Variants in DPP10 observed in about 807,000 individuals in gnomAD.
The protein encoded by DPP10 is dipeptidyl peptidase like 10.
Under a neutral mutation model 120.9 loss-of-function variants are expected in DPP10, and 33 were observed. That is an observed-to-expected ratio of 0.27 (90% CI 0.21 to 0.37). The LOEUF is 0.37. Among genes scored for constraint, DPP10 ranks in the 10% least tolerant of loss-of-function variants. The pLI is 1.00. For missense variants in DPP10, 816 were observed against 942.8 expected, an observed-to-expected ratio of 0.87 and a Z score of 1.76; for synonymous variants, 337 against 326.1, an observed-to-expected ratio of 1.03 and a Z score of -0.36.
intron 1 of DPP10, among the ~76,000 whole-genome samples, chr2:115,279,598 G>GCATTTTTC (rs987891710): frequency 2.1e-5 from 3 of 146,218 alleles, no homozygotes; most frequent in African/African-American, 7.6e-5. Context: ...ATTTTGGGTA[G>GCATTTTTC]CATTTTTCTT....
intron 1 of DPP10, among the ~76,000 whole-genome samples, chr2:115,218,915 T>C (rs2056981968): frequency 6.6e-6 from 1 of 152,112 alleles, no homozygotes; most frequent in Non-Finnish European, 1.5e-5. Context: ...TATCATATGT[T>C]CCCATTGGAA....
intron 1 of DPP10, among the ~76,000 whole-genome samples, chr2:114,603,856 C>T (rs866336719): frequency 2.0e-5 from 3 of 151,940 alleles, no homozygotes; most frequent in African/African-American, 4.8e-5. Flanking sequence ...CCCAGATCAC[C>T]CACCAGATTT....
intron 1 of DPP10, among the ~76,000 whole-genome samples, chr2:114,475,074 G>T (rs547461442): frequency 6.6e-6 from 1 of 152,326 alleles, no homozygotes; most frequent in South Asian, 2.1e-4. Context: ...TAAAGCTTGT[G>T]ACCTGAATTC....
chr2:115,033,893 C>CTTTTTTTTTTTTTTTTTTTTTTTT (rs965717193), intron 1 of DPP10, among the ~76,000 whole-genome samples: 7 of 89,860 alleles, frequency 7.8e-5, no homozygotes, highest in East Asian at 3.6e-4. Context: ...TTTTCTTTTT[C>CTTTTTTTTTTTTTTTTTTTTTTTT]TTTTTTTTTT....
intron 5 of DPP10, among the ~76,000 whole-genome samples, chr2:115,590,181 ATT>A (rs1221212779): frequency 2.7e-5 from 3 of 110,350 alleles, no homozygotes; most frequent in Non-Finnish European, 4.4e-5. Context: ...TATTATTATT[ATT>A]ATACTTTAAG....
At chr2:115,233,212 AGTGTGT>A (rs72071460) in intron 1 of DPP10, among the ~76,000 whole-genome samples, 13 of 148,928 alleles carry the variant, frequency 8.7e-5, no homozygotes, top group South Asian at 2.1e-4. Flanking sequence ...AGGTATATTG[AGTGTGT>A]GTGTGTGTGT....
At chr2:115,056,684 A>T (rs1705944702) in intron 1 of DPP10, among the ~76,000 whole-genome samples, 1 of 152,156 alleles carries the variant, frequency 6.6e-6, no homozygotes, top group African/African-American at 2.4e-5. Context: ...TCTAAGAGCA[A>T]TGCCAACGTA....
At chr2:114,759,526 T>C (rs1680092187) in intron 1 of DPP10, among the ~76,000 whole-genome samples, 1 of 152,018 alleles carries the variant, frequency 6.6e-6, no homozygotes, top group South Asian at 2.1e-4. Flanking sequence ...TGTCTCTTGG[T>C]GGCCACTGCT....
chr2:114,916,695 A>G (rs1326670740), intron 1 of DPP10, among the ~76,000 whole-genome samples: 2 of 152,256 alleles, frequency 1.3e-5, no homozygotes, highest in African/African-American at 4.8e-5. Context: ...AACGTGATTC[A>G]TCACATAAAG....
intron 1 of DPP10, among the ~76,000 whole-genome samples, chr2:114,988,655 T>A (rs1700574065): frequency 6.6e-6 from 1 of 152,252 alleles, no homozygotes; most frequent in Non-Finnish European, 1.5e-5. Context: ...TTATCATCAA[T>A]ATGATCTATG....
chr2:114,902,943 G>T (rs1056072015), intron 1 of DPP10, among the ~76,000 whole-genome samples: 1 of 152,010 alleles, frequency 6.6e-6, no homozygotes, highest in Non-Finnish European at 1.5e-5. Flanking sequence ...AATCATCTGT[G>T]TTCCACGAGT....
chr2:115,637,612 C>T (rs1435807256), intron 5 of DPP10, among the ~76,000 whole-genome samples: 3 of 152,146 alleles, frequency 2.0e-5, no homozygotes, highest in Non-Finnish European at 4.4e-5. Context: ...AACTTAGCAG[C>T]TCTCAATTAT....
chr2:115,533,141 A>T (rs1474065306), intron 5 of DPP10, among the ~76,000 whole-genome samples: 1 of 152,092 alleles, frequency 6.6e-6, no homozygotes, highest in Non-Finnish European at 1.5e-5. Context: ...CTTTCTTAAT[A>T]CATCTTATGT....
intron 1 of DPP10, among the ~76,000 whole-genome samples, chr2:115,005,397 CT>C (rs1241674183): frequency 6.6e-6 from 1 of 152,020 alleles, no homozygotes; most frequent in African/African-American, 2.4e-5. Flanking sequence ...GAGAAGAAGG[CT>C]TCAGACGATC....
chr2:115,007,554 A>G (rs1396531381), intron 1 of DPP10, among the ~76,000 whole-genome samples: 1 of 149,440 alleles, frequency 6.7e-6, no homozygotes, highest in Non-Finnish European at 1.5e-5. Flanking sequence ...CCTATTCAAC[A>G]TAGTGTTGGA....
intron 1 of DPP10, among the ~76,000 whole-genome samples, chr2:114,450,109 T>C (rs1266963535): frequency 6.6e-6 from 1 of 152,140 alleles, no homozygotes; most frequent in Non-Finnish European, 1.5e-5. Flanking sequence ...TGAGGAGGAA[T>C]TGTATCATGG....
In DPP10 at chr2:115,843,529, T is replaced by C. The variant is rs1442291751; in HGVS notation, c.*1184T>C. ...ATCTGTTACTGTTTAATTTCAATTC[T>C]TCTGGTGAGAATTAGAAATGAAATA... On this transcript the variant is annotated 3_prime_UTR_variant, in exon 26 of 26. Transcript: ENST00000410059. The C allele has an allele frequency of 6.6e-6, 1 of 152,238 alleles. No homozygotes were observed. The highest frequency in any genetic ancestry group is 2.4e-5 in the African/African-American group (1 of 41,456). 9.4% of individuals were successfully genotyped at this position (152,238 alleles called of 1,614,324 possible). A position where few individuals can be genotyped will look rare whatever the true frequency, so the allele number is the denominator to read the frequency against.
At chr2:114,447,155 C>T (rs972143403) in intron 1 of DPP10, among the ~76,000 whole-genome samples, 3 of 151,764 alleles carry the variant, frequency 2.0e-5, no homozygotes, top group Admixed American at 1.3e-4. Context: ...TGCCACCACG[C>T]CTGGCTAATT....
intron 5 of DPP10, among the ~76,000 whole-genome samples, chr2:115,547,434 A>G (rs578062433): frequency 1.1e-4 from 16 of 152,132 alleles, no homozygotes; most frequent in Non-Finnish European, 1.8e-4. Flanking sequence ...TCATTTTGCA[A>G]TTTTAAAGTT....
Sources: allele counts gnomAD v4.1 joint callset (sites outside exome capture counted in the v4.1 genomes callset), GRCh38; gene constraint gnomAD v4.1.1; transcripts MANE v1.5; gene names NCBI Gene and HGNC (gene_info 2026-07-23, HGNC 2026-07-21).